Variants in IFI30 observed in about 807,000 individuals in gnomAD.
IFI30 encodes the protein gamma-interferon-inducible lysosomal thiol reductase.
A neutral mutation model predicts 30.1 loss-of-function variants in IFI30; 26 were observed. The observed-to-expected ratio is 0.87, with a 90% CI of 0.63 to 1.20. The LOEUF (loss-of-function observed/expected upper bound fraction) is 1.20. IFI30 is among the 50% of genes most tolerant of loss of function. The pLI is 0.00. For missense variants in IFI30, 296 were observed against 312.5 expected (o/e 0.95, Z 0.40); for synonymous variants, 149 against 134.5 (o/e 1.11, Z -0.75).
rs535891325 is a variant in IFI30, at chr19:18,174,019, T to C, written c.132+46T>C. The C allele has an allele frequency of 2.0e-6, 3 of 1,503,596 alleles. No individual in the cohort carries two copies. The East Asian group carries it at 7.7e-5, about 39-fold the overall frequency. The allele number at this position is 1,503,596 out of a possible 1,614,324, so 93.1% of individuals were successfully genotyped here. A position where few individuals can be genotyped will look rare whatever the true frequency, so the allele number is the denominator to read the frequency against. On this transcript the variant is annotated intron_variant, in intron 1 of 6. Coordinates refer to ENST00000407280, the MANE Select transcript of IFI30 (RefSeq NM_006332.5). The stretch of plus-strand genomic sequence containing the variant: ...GGCAGGCTGGAGGGAACAGGCGCCC[T>C]GTCGGGGCACGCGGCTCCTTCTTTC...
At chr19:18,176,537 G>A (rs1203322138) in intron 4 of IFI30, among the ~76,000 whole-genome samples, 1 of 152,114 alleles carries the variant, frequency 6.6e-6, no homozygotes, top group Non-Finnish European at 1.5e-5. Flanking sequence ...GGACTTACTG[G>A]AGGAGGCATT....
At chr19:18,177,643 GCTGGAA>G (rs1967288550) in intron 5 of IFI30, 62 bp from the exon 6 acceptor site, 1 of 1,573,636 alleles carries the variant, frequency 6.4e-7, no homozygotes, top group African/African-American at 1.3e-5. Context: ...CCCTTTCTGG[GCTGGAA>G]CCAGGGTGCA....
Position 18,177,859 on chromosome 19 carries a change from C to T in IFI30, c.701C>T (p.Pro234Leu), listed in dbSNP as rs749965375. 86 of 1,599,744 alleles carry T rather than the reference C, an allele frequency of 5.4e-5. No individual in the cohort carries two copies. Among genetic ancestry groups the T allele is most frequent in the Non-Finnish European group, 6.6e-5 (78 of 1,173,130 alleles). ...LVCQLYQGKK[P>L]DVCPSSTSSL... is the part of the protein sequence containing the mutation. ...GGCCTTCACCTCCAGGGCAAGAAGC[C>T]GGATGTCTGCCCTTCCTCAACCAGC... Residue 234 changes from proline (P) to leucine (L), a missense_variant, in exon 7 of 7, where the codon CCG (proline) becomes CTG (leucine). By Grantham distance (98) the Pro-to-Leu change is moderately conservative. Transcript: ENST00000407280.
At position 18,175,601 on chromosome 19, in the gene IFI30, C is replaced by T. The variant is rs574328173; in HGVS notation, c.391-4C>T. 6 of 1,605,698 alleles carry T rather than the reference C, an allele frequency of 3.7e-6. No individual in the cohort carries two copies. In the East Asian group the frequency reaches 1.3e-4, roughly 36 times the overall value. On this transcript the variant is annotated splice_polypyrimidine_tract_variant and splice_region_variant and intron_variant, in intron 3 of 6. Transcript: ENST00000407280. The stretch of plus-strand genomic sequence containing the variant: ...CCCTCTCCTGCCCCCTCTCCAAACC[C>T]CAGGCCTGCGTGTTGGATGAACTTG...
At chr19:18,173,994 G>C (rs1320849769) in intron 1 of IFI30, 21 bp downstream of exon 1, 2 of 1,545,852 alleles carry the variant, frequency 1.3e-6, no homozygotes, top group Admixed American at 4.0e-5. Flanking sequence ...CGACAGGGCG[G>C]GCAGGCTGGA....
intron 5 of IFI30, 73 bp downstream of exon 5, chr19:18,177,365 CAG>C: frequency 6.7e-7 from 1 of 1,484,228 alleles, no homozygotes; most frequent in Non-Finnish European, 9.1e-7. Flanking sequence ...ACAGAGGGAC[CAG>C]AGATAAAGGA....
rs1967255706 is a variant in IFI30 at position 18,175,356 on chromosome 19, G to A, written c.361G>A (p.Glu121Lys). 6.3e-7 allele frequency: 1 copy of A among 1,592,710 alleles called. No individual in the cohort carries two copies. The highest frequency in any genetic ancestry group is 8.5e-7 in the Non-Finnish European group (1 of 1,170,306). Residue 121 changes from glutamate (E) to lysine (K), a missense_variant, in exon 3 of 7, where the codon GAA (glutamate) becomes AAA (lysine). By Grantham distance (56) the Glu-to-Lys change is moderately conservative. Transcript: ENST00000407280. ...GTGGGAGTTCAAGTGCCAGCATGGA[G>A]AAGAGGAGTGCAAATTCAACAAGGT... is the stretch of plus-strand genomic sequence containing the variant. The part of the protein sequence containing the change: ...GRWEFKCQHG[E>K]EECKFNKVEA...
chr19:18,177,904 T>C lies in IFI30; in HGVS notation c.746T>C (p.Phe249Ser). 1 of 1,590,148 alleles carries C rather than the reference T, an allele frequency of 6.3e-7. No homozygotes were observed. Among genetic ancestry groups the C allele is most frequent in the Non-Finnish European group, 8.6e-7 (1 of 1,168,076 alleles). The change falls in exon 7 of 7, where the codon TTC (phenylalanine) becomes TCC (serine). Residue 249 changes from phenylalanine to serine, a missense_variant. By Grantham distance (155) the Phe-to-Ser change is radical. Transcript: ENST00000407280. ...ACCAGCTCCCTCAGGAGTGTTTGCT[T>C]CAAGTGATGGCCGGTGAGCTGCGGA... is the stretch of plus-strand genomic sequence containing the variant. The part of the protein sequence containing the change: ...SSTSSLRSVC[F>S]K
In IFI30 at chr19:18,177,967, CT is replaced by C. The variant is rs1555816424; in HGVS notation, c.*63del. Reference sequence around the variant, plus strand: ...GGCGAGTGGGAACCCGGCTGCCTGCCTTTTTTTCTGATCCAGACCCTCGGCA... The same window carrying C: ...GGCGAGTGGGAACCCGGCTGCCTGCCTTTTTTCTGATCCAGACCCTCGGCA... On this transcript the variant is annotated 3_prime_UTR_variant, in exon 7 of 7. Coordinates refer to ENST00000407280, the MANE Select transcript of IFI30 (RefSeq NM_006332.5). 14 of 1,535,770 alleles carry C rather than the reference CT, an allele frequency of 9.1e-6. No homozygotes were observed. The highest frequency in any genetic ancestry group is 1.1e-5 in the Non-Finnish European group (13 of 1,133,916).
chr19:18,175,352 T>A lies in IFI30; in HGVS notation c.357T>A (p.His119Gln), dbSNP rs1285097973. 2 of 1,593,028 alleles carry A rather than the reference T, an allele frequency of 1.3e-6. No homozygotes were observed. Among genetic ancestry groups the A allele is most frequent in the Non-Finnish European group, 8.5e-7 (1 of 1,170,488 alleles). The change falls in exon 3 of 7, where the codon CAT becomes CAA. Residue 119 changes from histidine (H) to glutamine (Q), a missense_variant. Physicochemically the swap from His to Gln is conservative, Grantham distance 24. Coordinates refer to ENST00000407280, the MANE Select transcript of IFI30 (RefSeq NM_006332.5). ...VSGRWEFKCQ[H>Q]GEEECKFNKV... ...GCAGGTGGGAGTTCAAGTGCCAGCA[T>A]GGAGAAGAGGAGTGCAAATTCAACA...
chr19:18,175,161 C>T lies in IFI30; in HGVS notation c.254C>T (p.Pro85Leu), dbSNP rs374934487. 10 of 1,607,564 alleles carry T rather than the reference C, an allele frequency of 6.2e-6. No homozygotes were observed. Among genetic ancestry groups the T allele is most frequent in the Admixed American group, 1.7e-5 (1 of 58,674 alleles). The change falls in exon 2 of 7, where the codon CCA becomes CTA. Residue 85 changes from proline to leucine, a missense_variant. By Grantham distance (98) the Pro-to-Leu change is moderately conservative. Transcript: ENST00000407280. ...CRAFLIRELF[P>L]TWLLVMEILN... The stretch of plus-strand genomic sequence containing the variant: ...GCCTTCCTGATCCGGGAGCTCTTCC[C>T]AACATGGCTGTTGGTCATGGAGATC...
In IFI30 at chr19:18,175,242, A is replaced by G; in HGVS notation, c.315+20A>G. On this transcript the variant is annotated intron_variant, in intron 2 of 6. Coordinates refer to ENST00000407280, the MANE Select transcript of IFI30 (RefSeq NM_006332.5). Reference sequence around the variant, plus strand: ...GCACAGGTGTGTGGGCGCTGGGGAAACTGAGGCACGTGGGCAGGGGAGCAG... The same window carrying G: ...GCACAGGTGTGTGGGCGCTGGGGAAGCTGAGGCACGTGGGCAGGGGAGCAG... 6.3e-7 allele frequency: 1 copy of G among 1,576,888 alleles called. No individual in the cohort carries two copies. Among genetic ancestry groups the G allele is most frequent in the South Asian group, 1.2e-5 (1 of 86,488 alleles).
chr19:18,177,829 C>G lies in IFI30; in HGVS notation c.691-20C>G, dbSNP rs766445246. The G allele has an allele frequency of 6.2e-7, 1 of 1,606,604 alleles. No individual in the cohort carries two copies. Among genetic ancestry groups the G allele is most frequent in the Non-Finnish European group, 8.5e-7 (1 of 1,176,470 alleles). On this transcript the variant is annotated intron_variant, in intron 6 of 6. Transcript: ENST00000407280. Reference sequence around the variant, plus strand: ...GTAGGGTCTCCTTCCAGGACCCCAACTCATGGCCTTCACCTCCAGGGCAAG... The same window carrying G: ...GTAGGGTCTCCTTCCAGGACCCCAAGTCATGGCCTTCACCTCCAGGGCAAG...
rs373433112 is a variant in IFI30 at position 18,173,877 on chromosome 19, G to A, written c.36G>A (p.Pro12=). ...CGCCACTTCTGCTGTTCCTGCCACC[G>A]CTGCTGCTGCTGCTGGACGTCCCCA... ...TLSPLLLFLP[P]LLLLLDVPTA... The change falls in exon 1 of 7, where the codon CCG becomes CCA. Residue 12 remains proline (P), a synonymous_variant. Coordinates refer to ENST00000407280, the MANE Select transcript of IFI30 (RefSeq NM_006332.5). 3 of 1,260,834 alleles carry A rather than the reference G, an allele frequency of 2.4e-6. No individual in the cohort carries two copies. Among genetic ancestry groups the A allele is most frequent in the African/African-American group, 1.5e-5 (1 of 65,374 alleles). 78.1% of individuals were successfully genotyped at this position (1,260,834 alleles called of 1,614,324 possible).
At chr19:18,175,797 C>T in intron 4 of IFI30, 100 bp downstream of exon 4, 1 of 785,156 alleles carries the variant, frequency 1.3e-6, no homozygotes, top group Non-Finnish European at 2.2e-6. Context: ...CTGACCACTG[C>T]TGTCTGTGCA....
chr19:18,177,449 G>T, intron 5 of IFI30, 157 bp downstream of exon 5: 1 of 891,898 alleles, frequency 1.1e-6, no homozygotes, highest in Non-Finnish European at 1.7e-6. Context: ...AGCAAAACTT[G>T]ATAGCTTTGC....
At chr19:18,177,395 A>T (rs1967285952) in intron 5 of IFI30, 103 bp downstream of exon 5, 1 of 1,324,166 alleles carries the variant, frequency 7.6e-7, no homozygotes, top group African/African-American at 1.5e-5. Context: ...CGGAGGTTGC[A>T]GTGAGCTGAG....
At chr19:18,177,037 C>A (rs1451350246) in intron 4 of IFI30, 103 bp from the exon 5 acceptor site, 20 of 1,229,660 alleles carry the variant, frequency 1.6e-5, no homozygotes, top group Non-Finnish European at 2.2e-5. Context: ...CCAACTGTAC[C>A]CTCTTCTCAG....
chr19:18,174,014 C>A, intron 1 of IFI30, 41 bp downstream of exon 1: 4 of 1,515,338 alleles, frequency 2.6e-6, no homozygotes, highest in East Asian at 2.5e-5. Flanking sequence ...AGGGAACAGG[C>A]GCCCTGTCGG....
Sources: allele counts gnomAD v4.1 joint callset (sites outside exome capture counted in the v4.1 genomes callset), GRCh38; gene constraint gnomAD v4.1.1; transcripts MANE v1.5; gene names NCBI Gene and HGNC (gene_info 2026-07-23, HGNC 2026-07-21).